Variants in PHC3 observed in about 807,000 individuals in gnomAD.
PHC3 encodes polyhomeotic-like protein 3.
Under a neutral mutation model 107.4 loss-of-function variants are expected in PHC3, and 13 were observed. The ratio of observed to expected loss-of-function variants is 0.12; its 90% CI spans 0.08 to 0.19. The LOEUF (loss-of-function observed/expected upper bound fraction) is 0.19. Among genes scored for constraint, PHC3 ranks in the 10% least tolerant of loss-of-function variants. The pLI, the probability that PHC3 is intolerant of heterozygous loss-of-function variation, is 1.00. For missense variants in PHC3, 992 were observed against 1,210.9 expected, an observed-to-expected ratio of 0.82 and a Z score of 2.68; for synonymous variants, 456 against 427.4, an observed-to-expected ratio of 1.07 and a Z score of -0.83.
intron 1 of PHC3, among the ~76,000 whole-genome samples, chr3:170,180,564 GTTTT>G (rs199582784): frequency 7.2e-6 from 1 of 138,858 alleles, no homozygotes; most frequent in Non-Finnish European, 1.6e-5. Flanking sequence ...TTATGCTTCT[GTTTT>G]TTTTTTTTTT....
chr3:170,162,686 A>C (rs1199821716), intron 4 of PHC3, among the ~76,000 whole-genome samples: 1 of 152,190 alleles, frequency 6.6e-6, no homozygotes, highest in East Asian at 1.9e-4. Context: ...TACTCTCAAA[A>C]ACCAATTTGA....
At chr3:170,147,406 T>A (rs1725163661) in intron 5 of PHC3, 1 of 152,204 alleles carries the variant, frequency 6.6e-6, no homozygotes, top group South Asian at 2.1e-4. Flanking sequence ...TTTGGTACAC[T>A]AAATCTAAGT....
intron 14 of PHC3, among the ~76,000 whole-genome samples, chr3:170,099,798 A>C (rs545970713): frequency 6.6e-6 from 1 of 152,362 alleles, no homozygotes; most frequent in East Asian, 1.9e-4. Context: ...CCCAATACTG[A>C]TATTACAAAA....
chr3:170,146,535 C>CTTT (rs373420736), intron 5 of PHC3, among the ~76,000 whole-genome samples: 6 of 123,508 alleles, frequency 4.9e-5, no homozygotes, highest in Admixed American at 8.8e-5. Flanking sequence ...TTTTCTTTTT[C>CTTT]TTTTTTTTTT....
At chr3:170,121,283 G>A (rs1230570420) in intron 9 of PHC3, among the ~76,000 whole-genome samples, 1 of 151,960 alleles carries the variant, frequency 6.6e-6, no homozygotes, top group East Asian at 1.9e-4. Flanking sequence ...AGGCCAGCCT[G>A]GGCAACATAG....
At chr3:170,129,633 A>C in intron 7 of PHC3, 81 bp from the exon 8 acceptor site, 1 of 1,292,726 alleles carries the variant, frequency 7.7e-7, no homozygotes, top group Non-Finnish European at 1.1e-6. Context: ...AAAAGTGTTC[A>C]TTATCAGAAG....
intron 14 of PHC3, among the ~76,000 whole-genome samples, chr3:170,100,307 A>G (rs1715272305): frequency 6.6e-6 from 1 of 152,224 alleles, no homozygotes; most frequent in South Asian, 2.1e-4. Context: ...AATGAGAGCT[A>G]AAAGAAGCTC....
intron 7 of PHC3, among the ~76,000 whole-genome samples, chr3:170,133,165 T>A (rs941075271): frequency 2.0e-5 from 3 of 151,988 alleles, no homozygotes; most frequent in African/African-American, 7.3e-5. Context: ...TCTCAAAATA[T>A]CTTCGCTTCA....
chr3:170,178,441 A>C (rs1730875152), intron 2 of PHC3, among the ~76,000 whole-genome samples: 1 of 152,214 alleles, frequency 6.6e-6, no homozygotes, highest in African/African-American at 2.4e-5. Context: ...GACTAAAGGA[A>C]ATTTTAAAAG....
At chr3:170,161,652 C>T (rs976392030) in intron 4 of PHC3, among the ~76,000 whole-genome samples, 5 of 152,180 alleles carry the variant, frequency 3.3e-5, no homozygotes, top group African/African-American at 4.8e-5. Flanking sequence ...AAAGCAGTAC[C>T]GTTCCATGGC....
At chr3:170,108,621 T>A (rs951234766) in intron 11 of PHC3, among the ~76,000 whole-genome samples, 1 of 152,120 alleles carries the variant, frequency 6.6e-6, no homozygotes, top group East Asian at 1.9e-4. Flanking sequence ...AGTCAGGAGA[T>A]CCACCAACAC....
rs1316627079 is a variant in PHC3, at chr3:170,117,559, TAAC to T, written c.1943-86_1943-84del. 1.2e-5 allele frequency: 16 copies of T among 1,355,136 alleles called. 1 individual carries two copies. The Admixed American group carries it at 2.0e-4, about 17-fold the overall frequency. The allele number at this position is 1,355,136 out of a possible 1,614,324, so 83.9% of individuals were successfully genotyped here. On this transcript the variant is annotated intron_variant, in intron 9 of 14. Coordinates refer to ENST00000495893, the MANE Select transcript of PHC3 (RefSeq NM_024947.4). ...TGAAAGAGAATTAAGGAATAAATAA[TAAC>T]AACAGTTAATATCTGGTACTTTCAA...
intron 2 of PHC3, among the ~76,000 whole-genome samples, chr3:170,177,570 T>C (rs1001300631): frequency 2.6e-5 from 4 of 152,146 alleles, no homozygotes; most frequent in African/African-American, 9.7e-5. Flanking sequence ...TTTCACCATG[T>C]TGATCAGGCT....
intron 10 of PHC3, among the ~76,000 whole-genome samples, chr3:170,113,747 A>G (rs1577013807): frequency 6.6e-6 from 1 of 152,234 alleles, no homozygotes; most frequent in Non-Finnish European, 1.5e-5. Flanking sequence ...TCTCTGTCAA[A>G]TGGAACCTAT....
chr3:170,150,501 C>G (rs1345103635), intron 4 of PHC3: 1 of 143,376 alleles, frequency 7.0e-6, no homozygotes, highest in African/African-American at 2.7e-5. Flanking sequence ...CGAGACCATC[C>G]TGGCTAACAT....
chr3:170,139,219 C>T (rs10804838), intron 6 of PHC3, among the ~76,000 whole-genome samples: 139,995 of 152,280 alleles, frequency 0.92, 64,392 homozygotes, highest in South Asian at 0.95. Context: ...GCAGACTTAA[C>T]AGATGAGGTA....
Position 170,089,013 on chromosome 3 carries a change from A to G in PHC3, c.*8217T>C, listed in dbSNP as rs1190618549. Reference sequence around the variant, plus strand: ...AAACCCCATCTCTACTAAAAATACAAAAAACTGGCCAGGCATAGTGGTGCA... The same window carrying G: ...AAACCCCATCTCTACTAAAAATACAGAAAACTGGCCAGGCATAGTGGTGCA... On this transcript the variant is annotated 3_prime_UTR_variant, in exon 15 of 15. Transcript: ENST00000495893. 2.0e-5 allele frequency: 3 copies of G among 152,156 alleles called. No homozygotes were observed. The highest frequency in any genetic ancestry group is 4.4e-5 in the Non-Finnish European group (3 of 68,048). The allele number at this position is 152,156 out of a possible 1,614,324, so 9.4% of individuals were successfully genotyped here.
At chr3:170,176,711 T>C (rs142550431) in intron 2 of PHC3, among the ~76,000 whole-genome samples, 1 of 152,240 alleles carries the variant, frequency 6.6e-6, no homozygotes, top group Non-Finnish European at 1.5e-5. Context: ...GTAACATTTA[T>C]CAAATGTTTG....
chr3:170,111,961 A>C (rs1278463330), intron 11 of PHC3, among the ~76,000 whole-genome samples: 2 of 152,240 alleles, frequency 1.3e-5, no homozygotes, highest in African/African-American at 4.8e-5. Flanking sequence ...CTTAGACACA[A>C]GTGTTAATTC....
Sources: allele counts gnomAD v4.1 joint callset (sites outside exome capture counted in the v4.1 genomes callset), GRCh38; gene constraint gnomAD v4.1.1; transcripts MANE v1.5; gene names NCBI Gene and HGNC (gene_info 2026-07-23, HGNC 2026-07-21).